MEGF11: variants seen among roughly 807,000 people sequenced by gnomAD.
MEGF11 encodes multiple EGF like domains 11, also known as multiple epidermal growth factor-like domains protein 11.
In MEGF11, 126 loss-of-function variants were observed where a neutral mutation model predicts 146.6. The ratio of observed to expected loss-of-function variants is 0.86; its 90% confidence interval spans 0.74 to 1.00. The LOEUF is 1.00. MEGF11 is among the 50% of genes least tolerant of loss of function. MEGF11 has a pLI of 0.00. For missense variants in MEGF11, 1,509 were observed against 1,521.2 expected (o/e 0.99, Z 0.13); for synonymous variants, 532 against 583.4 (o/e 0.91, Z 1.27).
chr15:65,924,449 A>G (rs1346690108), intron 13 of MEGF11, among the ~76,000 whole-genome samples: 4 of 151,688 alleles, frequency 2.6e-5, no homozygotes, highest in Non-Finnish European at 5.9e-5. Context: ...ACCCATTGAC[A>G]GGGGTCTCTC....
chr15:66,074,006 G>A (rs1159341610), intron 5 of MEGF11, among the ~76,000 whole-genome samples: 1 of 152,198 alleles, frequency 6.6e-6, no homozygotes, highest in Non-Finnish European at 1.5e-5. Context: ...AACAACCATA[G>A]TGTATCCATC....
intron 24 of MEGF11, among the ~76,000 whole-genome samples, chr15:65,901,508 G>T (rs1352363475): frequency 1.3e-5 from 2 of 151,672 alleles, no homozygotes; most frequent in African/African-American, 4.9e-5. Flanking sequence ...GTAAGTAGTT[G>T]AACCCCTATT....
At chr15:65,973,261 A>T (rs2081354041) in intron 7 of MEGF11, among the ~76,000 whole-genome samples, 1 of 152,208 alleles carries the variant, frequency 6.6e-6, no homozygotes, top group South Asian at 2.1e-4. Flanking sequence ...GCAGGCCTGG[A>T]GAGCAAAGAG....
chr15:66,083,410 A>G (rs2085977923), intron 5 of MEGF11, among the ~76,000 whole-genome samples: 1 of 152,214 alleles, frequency 6.6e-6, no homozygotes, highest in African/African-American at 2.4e-5. Flanking sequence ...CTTTTCAATA[A>G]ATAGTATTGG....
chr15:65,905,642 T>G (rs2078604100), intron 24 of MEGF11: 1 of 156,756 alleles, frequency 6.4e-6, no homozygotes, highest in Non-Finnish European at 1.4e-5. Flanking sequence ...CATACAATAT[T>G]AACACTGCGT....
At chr15:65,924,943 C>G (rs554929160) in intron 13 of MEGF11, among the ~76,000 whole-genome samples, 1 of 152,244 alleles carries the variant, frequency 6.6e-6, no homozygotes, top group East Asian at 1.9e-4. Context: ...TTTCTTTTGC[C>G]TATGGTTGTT....
chr15:65,973,592 C>G (rs1265582263), intron 7 of MEGF11, among the ~76,000 whole-genome samples: 1 of 152,210 alleles, frequency 6.6e-6, no homozygotes, highest in African/African-American at 2.4e-5. Context: ...TGAATAGCCA[C>G]TGCCCTCCAG....
intron 1 of MEGF11, among the ~76,000 whole-genome samples, chr15:66,160,680 C>CACAG (rs2089920185): frequency 6.6e-6 from 1 of 150,826 alleles, no homozygotes; most frequent in Non-Finnish European, 1.5e-5. Flanking sequence ...CACACACACA[C>CACAG]ACACACACAC....
At chr15:66,021,332 T>G (rs2083124841) in intron 5 of MEGF11, among the ~76,000 whole-genome samples, 1 of 152,192 alleles carries the variant, frequency 6.6e-6, no homozygotes, top group African/African-American at 2.4e-5. Context: ...GATGAGAGGG[T>G]TGGACAATGT....
chr15:66,111,063 A>T (rs1292372245), intron 4 of MEGF11, among the ~76,000 whole-genome samples: 2 of 152,172 alleles, frequency 1.3e-5, no homozygotes, highest in Admixed American at 6.6e-5. Context: ...AGTCGCACTC[A>T]TCTGAAATCT....
chr15:65,940,661 G>A (rs1264954897), intron 10 of MEGF11, among the ~76,000 whole-genome samples: 2 of 152,224 alleles, frequency 1.3e-5, no homozygotes, highest in Non-Finnish European at 2.9e-5. Flanking sequence ...AGAGCCACAG[G>A]GATGAGAAAG....
At chr15:66,040,933 C>G (rs971084002) in intron 5 of MEGF11, among the ~76,000 whole-genome samples, 2 of 151,148 alleles carry the variant, frequency 1.3e-5, no homozygotes, top group African/African-American at 2.4e-5. Context: ...TTTTCCCCCC[C>G]GGTTTTCACA....
At chr15:66,152,331 G>T (rs2089600386) in intron 1 of MEGF11, among the ~76,000 whole-genome samples, 1 of 152,046 alleles carries the variant, frequency 6.6e-6, no homozygotes, top group Non-Finnish European at 1.5e-5. Context: ...AAGATAAAGG[G>T]TATGAGCAGC....
At chr15:66,141,071 T>C (rs1384314413) in intron 1 of MEGF11, among the ~76,000 whole-genome samples, 6 of 152,110 alleles carry the variant, frequency 3.9e-5, no homozygotes, top group African/African-American at 1.2e-4. Flanking sequence ...CCTTGGTACA[T>C]GGCCAGTTTC....
intron 5 of MEGF11, among the ~76,000 whole-genome samples, chr15:66,076,609 G>A (rs1274132277): frequency 6.6e-6 from 1 of 152,170 alleles, no homozygotes; most frequent in Admixed American, 6.5e-5. Context: ...AGGACTGGAT[G>A]TGGAGGGCAT....
intron 9 of MEGF11, among the ~76,000 whole-genome samples, chr15:65,958,144 G>A (rs542788298): frequency 6.6e-6 from 1 of 152,240 alleles, no homozygotes; most frequent in Non-Finnish European, 1.5e-5. Flanking sequence ...GGACAAGAAG[G>A]TAGCAATGAT....
chr15:65,925,625 G>A (rs1298467985), intron 13 of MEGF11, among the ~76,000 whole-genome samples: 1 of 152,160 alleles, frequency 6.6e-6, no homozygotes, highest in Non-Finnish European at 1.5e-5. Context: ...CGCTACAGTT[G>A]GATAGGGATA....
chr15:65,897,859 T>G lies in MEGF11; in HGVS notation c.*75A>C. ...GCTGGAGCCAGTCTGTACCATTACT[T>G]CAAGTCAAGGGACTGTCTTCTTTCA... On this transcript the variant is annotated 3_prime_UTR_variant, in exon 26 of 26. Transcript: ENST00000395614. 1.4e-6 allele frequency: 2 copies of G among 1,432,326 alleles called. No homozygotes were observed. Among genetic ancestry groups the G allele is most frequent in the South Asian group, 1.3e-5 (1 of 74,908 alleles). 88.7% of individuals were successfully genotyped at this position (1,432,326 alleles called of 1,614,324 possible).
chr15:66,167,149 G>T (rs539689765), intron 1 of MEGF11, among the ~76,000 whole-genome samples: 196 of 152,280 alleles, frequency 1.3e-3, no homozygotes, highest in Non-Finnish European at 2.4e-3. Context: ...TCTTGATAAA[G>T]GCAAACAGCC....
Sources: gnomAD v4.1 joint callset for allele counts (sites outside exome capture counted in the v4.1 genomes callset) on GRCh38, gnomAD v4.1.1 for gene constraint, MANE v1.5 for transcripts, NCBI Gene and HGNC (gene_info 2026-07-23, HGNC 2026-07-21) for gene names.